ASIC2: variants seen among roughly 807,000 people sequenced by gnomAD.
ASIC2 encodes acid sensing ion channel subunit 2, also known as acid-sensing ion channel 2.
A neutral mutation model predicts 57.3 loss-of-function variants in ASIC2; 25 were observed. That is an observed-to-expected ratio of 0.44 (90% confidence interval 0.32 to 0.61). The LOEUF is 0.61. ASIC2 is among the 20% of genes least tolerant of loss of function. ASIC2 has a pLI of 0.06. For synonymous variants in ASIC2, 319 were observed against 307.5 expected, an observed-to-expected ratio of 1.04 and a Z score of -0.39; for missense variants, 641 against 738.1, an observed-to-expected ratio of 0.87 and a Z score of 1.52.
intron 1 of ASIC2, among the ~76,000 whole-genome samples, chr17:33,736,746 C>T (rs1909923566): frequency 6.6e-6 from 1 of 152,192 alleles, no homozygotes; most frequent in Non-Finnish European, 1.5e-5. Flanking sequence ...ACCTTTCACA[C>T]TTTCCCTATA....
intron 3 of ASIC2, among the ~76,000 whole-genome samples, chr17:33,072,517 TCTA>T (rs1219080133): frequency 6.6e-6 from 1 of 152,214 alleles, no homozygotes; most frequent in Admixed American, 6.5e-5. Flanking sequence ...GTGGCCCATC[TCTA>T]CTACGTGTCA....
intron 1 of ASIC2, among the ~76,000 whole-genome samples, chr17:33,511,658 A>G (rs1477506386): frequency 2.6e-5 from 4 of 152,158 alleles, no homozygotes; most frequent in African/African-American, 7.2e-5. Context: ...GACTCCTGCC[A>G]TAGCCAGAGA....
chr17:33,309,266 TC>T (rs1354816390), intron 1 of ASIC2, among the ~76,000 whole-genome samples: 2 of 152,148 alleles, frequency 1.3e-5, no homozygotes, highest in Admixed American at 1.3e-4. Context: ...GACACACATC[TC>T]TTTTTCTTCA....
Position 33,062,527 on chromosome 17 carries a change from C to T in ASIC2, c.987+26336G>A, listed in dbSNP as rs532353953. 4.6e-5 allele frequency among the ~76,000 whole-genome samples: 7 copies of T among 152,236 alleles called. No homozygotes were observed. In the South Asian group the frequency reaches 1.2e-3, roughly 27 times the overall value. ...TCTGATTGCACTGTGGTCTGAGAGA[C>T]AGTTTGTTATAATTTCTGTTCTTTT... On this transcript the variant is annotated intron_variant, in intron 3 of 9. Coordinates refer to ENST00000225823, the MANE Select transcript of ASIC2 (RefSeq NM_183377.2).
intron 1 of ASIC2, among the ~76,000 whole-genome samples, chr17:33,837,752 C>T (rs1477140029): frequency 6.6e-6 from 1 of 152,170 alleles, no homozygotes; most frequent in Non-Finnish European, 1.5e-5. Flanking sequence ...TTTAGTGACT[C>T]ACCCTGTTTA....
rs113710820 is a variant in ASIC2 at position 33,149,552 on chromosome 17, A to C, written c.709-37485T>G. Among the ~76,000 whole-genome samples, 122 of 152,360 alleles carry C rather than the reference A, an allele frequency of 8.0e-4. 1 individual carries two copies. The highest frequency in any genetic ancestry group is 2.6e-3 in the African/African-American group (108 of 41,588). On this transcript the variant is annotated intron_variant, in intron 1 of 9. Transcript: ENST00000225823. ...ACTAACACAGTGACTTGTATATAGT[A>C]GATGCTTAATAAACATTCAGGTGAC...
At chr17:34,056,996 T>C (rs895165388) in intron 1 of ASIC2, among the ~76,000 whole-genome samples, 2 of 152,238 alleles carry the variant, frequency 1.3e-5, no homozygotes, top group Non-Finnish European at 2.9e-5. Flanking sequence ...CAATGTATAA[T>C]AGTTGCCTCG....
chr17:33,712,940 C>T (rs1365220202), intron 1 of ASIC2, among the ~76,000 whole-genome samples: 1 of 152,148 alleles, frequency 6.6e-6, no homozygotes, highest in Non-Finnish European at 1.5e-5. Context: ...CCACCGCGCC[C>T]GGCCCTCATA....
In ASIC2 at chr17:33,906,011, A is replaced by ATT. The variant is rs72050716; in HGVS notation, c.555+249965_555+249966dup. Among the ~76,000 whole-genome samples the ATT allele has an allele frequency of 4.8e-3, 637 of 132,542 alleles. 8 individuals carry two copies. Among genetic ancestry groups the ATT allele is most frequent in the South Asian group, 0.019 (80 of 4,188 alleles). 87.0% of individuals were successfully genotyped at this position (132,542 alleles called of 152,430 possible). A position where few individuals can be genotyped will look rare whatever the true frequency, so the allele number is the denominator to read the frequency against. On this transcript the variant is annotated intron_variant, in intron 1 of 9. Transcript: ENST00000359872. ...CAGCTAATATTTTAATTTTAATTAAATTTTTTTTTTTTTTTTTTGTAGAGA... is the reference window on the plus strand; with the variant it reads ...CAGCTAATATTTTAATTTTAATTAAATTTTTTTTTTTTTTTTTTTTGTAGAGA...
chr17:33,115,627 C>A (rs2092277970), intron 1 of ASIC2, among the ~76,000 whole-genome samples: 1 of 152,222 alleles, frequency 6.6e-6, no homozygotes, highest in African/African-American at 2.4e-5. Flanking sequence ...AGCTTGAAAG[C>A]CACTTTCTCA....
chr17:33,361,268 G>A (rs1908597268), intron 1 of ASIC2, among the ~76,000 whole-genome samples: 1 of 152,192 alleles, frequency 6.6e-6, no homozygotes, highest in Non-Finnish European at 1.5e-5. Flanking sequence ...GCCCACTTGG[G>A]AATTCATGTG....
intron 1 of ASIC2, among the ~76,000 whole-genome samples, chr17:33,440,405 T>C (rs1911783222): frequency 6.6e-6 from 1 of 152,264 alleles, no homozygotes; most frequent in African/African-American, 2.4e-5. Flanking sequence ...ATTTTGATTA[T>C]TAAGCATAGT....
At chr17:33,319,481 A>T (rs891522927) in intron 1 of ASIC2, among the ~76,000 whole-genome samples, 1 of 151,986 alleles carries the variant, frequency 6.6e-6, no homozygotes, top group African/African-American at 2.4e-5. Context: ...GATTCAGACC[A>T]CCCTCCTTTA....
intron 1 of ASIC2, among the ~76,000 whole-genome samples, chr17:33,352,822 A>T (rs1040257607): frequency 3.3e-5 from 5 of 152,030 alleles, no homozygotes; most frequent in African/African-American, 7.3e-5. Context: ...TTCGGCTGTT[A>T]GAGTTTCTCT....
intron 1 of ASIC2, among the ~76,000 whole-genome samples, chr17:33,861,482 A>G (rs533187638): frequency 4.5e-4 from 69 of 152,338 alleles, no homozygotes; most frequent in African/African-American, 1.6e-3. Context: ...ACATGAGAAG[A>G]CTGAGGCTTG....
At chr17:33,067,402 A>G (rs912927807) in intron 3 of ASIC2, among the ~76,000 whole-genome samples, 15 of 152,184 alleles carry the variant, frequency 9.9e-5, no homozygotes, top group African/African-American at 3.6e-4. Context: ...GGTAGCATGG[A>G]AGAAAGTGTT....
At chr17:33,148,152 C>G (rs1387182986) in intron 1 of ASIC2, among the ~76,000 whole-genome samples, 2 of 152,236 alleles carry the variant, frequency 1.3e-5, no homozygotes, top group Admixed American at 6.5e-5. Flanking sequence ...GTGCTTCACA[C>G]CTTCTGTGCC....
intron 1 of ASIC2, among the ~76,000 whole-genome samples, chr17:33,488,063 TAG>T (rs1268302675): frequency 2.0e-5 from 3 of 152,210 alleles, no homozygotes; most frequent in Non-Finnish European, 4.4e-5. Flanking sequence ...TCTGTCCCTC[TAG>T]AGAACCTTGA....
At chr17:34,155,413 A>G (rs1414743366) in intron 1 of ASIC2, among the ~76,000 whole-genome samples, 2 of 152,068 alleles carry the variant, frequency 1.3e-5, no homozygotes, top group African/African-American at 4.8e-5. Flanking sequence ...GGAAGCAAGG[A>G]GACTTCCACA....
Sources: allele counts gnomAD v4.1 joint callset (sites outside exome capture counted in the v4.1 genomes callset), GRCh38; gene constraint gnomAD v4.1.1; transcripts MANE v1.5; gene names NCBI Gene and HGNC (gene_info 2026-07-23, HGNC 2026-07-21).